The following ARPC1B variants were observed in gnomAD, a reference collection of about 807,000 sequenced individuals.
The protein encoded by ARPC1B is actin related protein 2/3 complex subunit 1B.
Under a neutral mutation model 46.0 loss-of-function variants are expected in ARPC1B, and 29 were observed. That is an observed-to-expected ratio of 0.63 (90% CI 0.47 to 0.86). The LOEUF (loss-of-function observed/expected upper bound fraction) is 0.86. Among genes scored for constraint, ARPC1B ranks in the 40% least tolerant of loss-of-function variants. The probability of loss-of-function intolerance (pLI) is 0.00; values close to 1 mark genes in which losing one functional copy is unlikely to be tolerated. For synonymous variants in ARPC1B, 201 were observed against 213.9 expected (o/e 0.94, Z 0.53); for missense variants, 469 against 529.4 (o/e 0.89, Z 1.12).
At chr7:99,394,303 G>T in intron 9 of ARPC1B, 148 bp from the exon 10 acceptor site, 1 of 1,050,768 alleles carries the variant, frequency 9.5e-7, no homozygotes, top group South Asian at 1.4e-5. Context: ...CGTCTTCAGG[G>T]CCGGGATTCC....
intron 1 of ARPC1B, among the ~76,000 whole-genome samples, chr7:99,382,865 G>A (rs1316109142): frequency 9.3e-6 from 1 of 107,724 alleles, no homozygotes. Context: ...TTTTTTTTGA[G>A]ACAGAGTCTT....
chr7:99,385,896 C>T (rs746311773), intron 2 of ARPC1B, 118 bp downstream of exon 2: 1 of 1,083,560 alleles, frequency 9.2e-7, no homozygotes, highest in Admixed American at 2.1e-5. Context: ...CTCCATGTGG[C>T]TGTCCCCTGG....
intron 5 of ARPC1B, 51 bp from the exon 6 acceptor site, chr7:99,390,842 T>A: frequency 6.6e-7 from 1 of 1,517,056 alleles, no homozygotes; most frequent in East Asian, 2.3e-5. Context: ...AGAGTACAGG[T>A]GCGCACCACC....
At chr7:99,376,121 G>A (rs1265742593) in intron 1 of ARPC1B, among the ~76,000 whole-genome samples, 1 of 151,468 alleles carries the variant, frequency 6.6e-6, no homozygotes, top group Non-Finnish European at 1.5e-5. Context: ...GGAGGATGAG[G>A]CAAGAGAATT....
intron 2 of ARPC1B, among the ~76,000 whole-genome samples, chr7:99,386,137 G>C (rs1451993794): frequency 4.6e-5 from 7 of 151,930 alleles, no homozygotes; most frequent in Non-Finnish European, 7.4e-5. Flanking sequence ...TGTAATCCCA[G>C]CTACTCGGGG....
chr7:99,381,784 A>C (rs534862678), intron 1 of ARPC1B, among the ~76,000 whole-genome samples: 3 of 152,332 alleles, frequency 2.0e-5, no homozygotes, highest in African/African-American at 4.8e-5. Context: ...TGTGGGGCCA[A>C]ACTGCAGCCC....
intron 1 of ARPC1B, among the ~76,000 whole-genome samples, chr7:99,384,894 C>T (rs1488982276): frequency 6.9e-6 from 1 of 144,636 alleles, no homozygotes; most frequent in Admixed American, 6.9e-5. Context: ...ATGAGTCTTG[C>T]TCTGTCACCC....
At chr7:99,390,216 CTT>C (rs1053819325) in intron 5 of ARPC1B, among the ~76,000 whole-genome samples, 3 of 152,176 alleles carry the variant, frequency 2.0e-5, no homozygotes, top group African/African-American at 2.4e-5. Context: ...CTGCCCACCT[CTT>C]TTATTTTTTT....
intron 1 of ARPC1B, among the ~76,000 whole-genome samples, chr7:99,377,933 T>G (rs1232587534): frequency 6.6e-6 from 1 of 151,832 alleles, no homozygotes; most frequent in Non-Finnish European, 1.5e-5. Flanking sequence ...CACCCGTCGG[T>G]TGATAGGTCT....
At chr7:99,376,872 A>G (rs1191139972) in intron 1 of ARPC1B, among the ~76,000 whole-genome samples, 1 of 138,152 alleles carries the variant, frequency 7.2e-6, no homozygotes, top group Non-Finnish European at 1.6e-5. Context: ...CTCTGTCTCC[A>G]AAAAAAAAAA....
chr7:99,394,548 G>A lies in ARPC1B; in HGVS notation c.*59G>A, dbSNP rs1243895304. 6.2e-7 allele frequency: 1 copy of A among 1,612,920 alleles called. No individual in the cohort carries two copies. The highest frequency in any genetic ancestry group is 8.5e-7 in the Non-Finnish European group (1 of 1,179,638). On this transcript the variant is annotated 3_prime_UTR_variant, in exon 10 of 10. Transcript: ENST00000646101. The stretch of plus-strand genomic sequence containing the variant: ...CTGGGGAAGCGGGGAGAGGGGTCAG[G>A]GAGGCTAATGGTTGCTTTGCTGAAT...
intron 1 of ARPC1B, among the ~76,000 whole-genome samples, chr7:99,379,514 C>T (rs550268919): frequency 6.6e-6 from 1 of 152,290 alleles, no homozygotes; most frequent in East Asian, 1.9e-4. Context: ...GGCAACTCCT[C>T]CTTGGTTTAG....
At chr7:99,386,816 T>A (rs760829034) in intron 3 of ARPC1B, 27 bp downstream of exon 3, 1 of 1,564,168 alleles carries the variant, frequency 6.4e-7, no homozygotes, top group South Asian at 1.1e-5. Context: ...GGGACCACCG[T>A]CCTGAAAGGA....
intron 7 of ARPC1B, 45 bp from the exon 8 acceptor site, chr7:99,392,626 G>A (rs762375309): frequency 2.8e-6 from 4 of 1,428,286 alleles, no homozygotes; most frequent in Admixed American, 2.9e-5. Flanking sequence ...CTCCGGCCTC[G>A]GTTTCCCCTC....
At chr7:99,379,312 G>T (rs1242359894) in intron 1 of ARPC1B, among the ~76,000 whole-genome samples, 1 of 152,138 alleles carries the variant, frequency 6.6e-6, no homozygotes, top group African/African-American at 2.4e-5. Flanking sequence ...ACTTCACTCT[G>T]CGTGGTTGGT....
chr7:99,376,901 G>A (rs992291419), intron 1 of ARPC1B, among the ~76,000 whole-genome samples: 3 of 150,824 alleles, frequency 2.0e-5, no homozygotes, highest in African/African-American at 7.3e-5. Flanking sequence ...AACAAAAAAT[G>A]TCTCAGGCTT....
intron 9 of ARPC1B, 112 bp from the exon 10 acceptor site, chr7:99,394,339 G>C (rs570629013): frequency 1.8e-6 from 2 of 1,133,816 alleles, no homozygotes; most frequent in African/African-American, 3.1e-5. Context: ...CTCCAAAACT[G>C]CAGGTTCTCT....
intron 1 of ARPC1B, among the ~76,000 whole-genome samples, chr7:99,384,579 C>T (rs1025623028): frequency 1.3e-5 from 2 of 152,184 alleles, no homozygotes; most frequent in African/African-American, 4.8e-5. Flanking sequence ...TTCAGTTCCC[C>T]AAGGCTGGGT....
chr7:99,377,726 T>A (rs1441681391), intron 1 of ARPC1B, among the ~76,000 whole-genome samples: 2 of 151,288 alleles, frequency 1.3e-5, no homozygotes, highest in Non-Finnish European at 2.9e-5. Context: ...CCTCTTCCTC[T>A]CGAGTTCAAG....
Sources: allele counts gnomAD v4.1 joint callset (sites outside exome capture counted in the v4.1 genomes callset), GRCh38; gene constraint gnomAD v4.1.1; transcripts MANE v1.5; gene names NCBI Gene and HGNC (gene_info 2026-07-23, HGNC 2026-07-21).